The following AGPAT3 variants were observed in gnomAD, a reference collection of about 807,000 sequenced individuals.
The protein encoded by AGPAT3 is 1-acylglycerol-3-phosphate O-acyltransferase 3, also known as 1-acyl-sn-glycerol-3-phosphate acyltransferase gamma.
In AGPAT3, 5 loss-of-function variants were observed where a neutral mutation model predicts 47.3. The ratio of observed to expected loss-of-function variants is 0.11; its 90% CI spans 0.06 to 0.22. The LOEUF (loss-of-function observed/expected upper bound fraction) is 0.22, where lower values mean the gene tolerates loss of function less well. AGPAT3 is among the 10% of genes least tolerant of loss of function. The probability of loss-of-function intolerance (pLI) is 1.00; values close to 1 mark genes in which losing one functional copy is unlikely to be tolerated. For synonymous variants in AGPAT3, 212 were observed against 208.3 expected (o/e 1.02, Z -0.15); for missense variants, 315 against 493.0 (o/e 0.64, Z 3.42).
intron 1 of AGPAT3, among the ~76,000 whole-genome samples, chr21:43,885,141 C>T (rs1234342405): frequency 6.6e-6 from 1 of 152,224 alleles, no homozygotes; most frequent in Non-Finnish European, 1.5e-5. Context: ...TGCGGCTAGA[C>T]CTCAAATGGC....
At chr21:43,949,627 C>G (rs554412924) in intron 2 of AGPAT3, among the ~76,000 whole-genome samples, 2 of 152,164 alleles carry the variant, frequency 1.3e-5, no homozygotes, top group Non-Finnish European at 2.9e-5. Context: ...AGGAGCTGCA[C>G]GTTACTAAGG....
rs144040292 is a variant in AGPAT3, at chr21:43,939,019, C to T, written c.-48-20615C>T. On this transcript the variant is annotated intron_variant, in intron 2 of 9. Transcript: ENST00000291572. The surrounding 1 kb of genome is among the most constrained non-coding windows in gnomAD (Gnocchi z 4.4). The stretch of plus-strand genomic sequence containing the variant: ...GGACTGAGCTGAGCGGTTCCCACCT[C>T]TCAGTCCACAGTTTCCCACAGAGCA... Among the ~76,000 whole-genome samples, 64 of 152,322 alleles carry T rather than the reference C, an allele frequency of 4.2e-4. No individual in the cohort carries two copies. The highest frequency in any genetic ancestry group is 1.5e-3 in the African/African-American group (62 of 41,564).
chr21:43,939,103 G>A lies in AGPAT3; in HGVS notation c.-48-20531G>A, dbSNP rs2087555149. On this transcript the variant is annotated intron_variant, in intron 2 of 9. Transcript: ENST00000291572. This position sits in a 1 kb window ranked among gnomAD's most constrained non-coding sequence, Gnocchi z 4.4. ...CGACCAGGCTAGGGGAGCATCCTGGGCAAACCCTGCTGGGGACAGGTTCGT... is the reference window on the plus strand; with the variant it reads ...CGACCAGGCTAGGGGAGCATCCTGGACAAACCCTGCTGGGGACAGGTTCGT... Among the ~76,000 whole-genome samples the A allele has an allele frequency of 6.6e-6, 1 of 152,198 alleles. No individual in the cohort carries two copies. The highest frequency in any genetic ancestry group is 2.4e-5 in the African/African-American group (1 of 41,440).
At chr21:43,973,864 T>TGGCCCCTGGGCC (rs2089496446) in intron 7 of AGPAT3, among the ~76,000 whole-genome samples, 1 of 152,220 alleles carries the variant, frequency 6.6e-6, no homozygotes, top group African/African-American at 2.4e-5. Flanking sequence ...TCCCCAGGGC[T>TGGCCCCTGGGCC]GGCCCCTGGG....
chr21:43,944,873 G>A (rs993553171), intron 2 of AGPAT3, among the ~76,000 whole-genome samples: 9 of 152,250 alleles, frequency 5.9e-5, no homozygotes, highest in Admixed American at 5.2e-4. Context: ...CAGCAAGTGC[G>A]GGAGGTGTCC....
At chr21:43,935,199 G>C (rs2087398481) in intron 2 of AGPAT3, among the ~76,000 whole-genome samples, 1 of 152,278 alleles carries the variant, frequency 6.6e-6, no homozygotes, top group Admixed American at 6.5e-5. Flanking sequence ...ACGCTTTGCT[G>C]TGCGGGCATC....
At position 43,985,944 on chromosome 21, in the gene AGPAT3, G is replaced by C. The variant is rs1236122352; in HGVS notation, c.*3552G>C. The C allele has an allele frequency of 6.6e-6, 1 of 152,650 alleles. No individual in the cohort carries two copies. The highest frequency in any genetic ancestry group is 1.9e-4 in the East Asian group (1 of 5,182). 9.5% of individuals were successfully genotyped at this position (152,650 alleles called of 1,614,324 possible). The stretch of plus-strand genomic sequence containing the variant: ...TTCTGGAAACAGCACGTCCCCGGCC[G>C]TGTGCCTGCCCCTTTCTCTACTGAG... On this transcript the variant is annotated 3_prime_UTR_variant, in exon 10 of 10. Transcript: ENST00000291572.
In AGPAT3 at chr21:43,955,583, C is replaced by T. The variant is rs868073843; in HGVS notation, c.-48-4051C>T. On this transcript the variant is annotated intron_variant, in intron 2 of 9. Coordinates refer to ENST00000291572, the MANE Select transcript of AGPAT3 (RefSeq NM_020132.5). This position sits in a 1 kb window ranked among gnomAD's most constrained non-coding sequence, Gnocchi z 4.1. ...TGCTCAGATTACAGGTGTGAGCCACCGCGCCCGGCTGAGAATCTGATTTTT... is the reference window on the plus strand; with the variant it reads ...TGCTCAGATTACAGGTGTGAGCCACTGCGCCCGGCTGAGAATCTGATTTTT... Among the ~76,000 whole-genome samples, 3 of 151,882 alleles carry T rather than the reference C, an allele frequency of 2.0e-5. No individual in the cohort carries two copies. Among genetic ancestry groups the T allele is most frequent in the African/African-American group, 4.8e-5 (2 of 41,386 alleles).
At chr21:43,865,681 G>T (rs902359129) in intron 1 of AGPAT3, among the ~76,000 whole-genome samples, 1 of 150,864 alleles carries the variant, frequency 6.6e-6, no homozygotes, top group Non-Finnish European at 1.5e-5. Context: ...GGTTCGGGGC[G>T]CCCGGGAGGG....
Position 43,952,516 on chromosome 21 carries a change from G to A in AGPAT3, c.-48-7118G>A, listed in dbSNP as rs907315684. 6.6e-6 allele frequency among the ~76,000 whole-genome samples: 1 copy of A among 152,168 alleles called. No individual in the cohort carries two copies. Among genetic ancestry groups the A allele is most frequent in the Admixed American group, 6.5e-5 (1 of 15,288 alleles). ...CCTGCCCAGGCAGAGGCAGCCTCGT[G>A]CCTCACCTTTGCTCCCCTGATCTAA... On this transcript the variant is annotated intron_variant, in intron 2 of 9. Coordinates refer to ENST00000291572, the MANE Select transcript of AGPAT3 (RefSeq NM_020132.5). The surrounding 1 kb of genome is among the most constrained non-coding windows in gnomAD (Gnocchi z 5.6).
Position 43,933,544 on chromosome 21 carries a change from G to A in AGPAT3, c.-48-26090G>A, listed in dbSNP as rs190238167. Among the ~76,000 whole-genome samples, 5 of 152,064 alleles carry A rather than the reference G, an allele frequency of 3.3e-5. No homozygotes were observed. The highest frequency in any genetic ancestry group is 7.3e-5 in the African/African-American group (3 of 41,378). The stretch of plus-strand genomic sequence containing the variant: ...CCATGCCCAGCATTGTTCTCAGTGC[G>A]CCCCGGGGGTCTTTGGTTCTCCATA... On this transcript the variant is annotated intron_variant, in intron 2 of 9. Coordinates refer to ENST00000291572, the MANE Select transcript of AGPAT3 (RefSeq NM_020132.5). This position sits in a 1 kb window ranked among gnomAD's most constrained non-coding sequence, Gnocchi z 6.0.
In AGPAT3 at chr21:43,984,886, CTG is replaced by C; in HGVS notation, c.*2496_*2497del. The stretch of plus-strand genomic sequence containing the variant: ...GCTGAGTGCTCAGGCTGAAGCAACT[CTG>C]TAGCCCACAGTCCGTGCTGGCCACT... On this transcript the variant is annotated 3_prime_UTR_variant, in exon 10 of 10. Transcript: ENST00000291572. 3 of 346,644 alleles carry C rather than the reference CTG, an allele frequency of 8.7e-6. No homozygotes were observed. The highest frequency in any genetic ancestry group is 1.7e-5 in the Non-Finnish European group (3 of 173,578). The allele number at this position is 346,644 out of a possible 1,614,324, so 21.5% of individuals were successfully genotyped here.
chr21:43,948,088 T>C (rs971334790), intron 2 of AGPAT3: 2 of 152,248 alleles, frequency 1.3e-5, no homozygotes, highest in Non-Finnish European at 2.9e-5. Context: ...AGCTGTGTTT[T>C]TGGCCAAAGG....
chr21:43,970,103 G>A lies in AGPAT3; in HGVS notation c.511-550G>A, dbSNP rs573181939. ...AGCTCACTGCAACCTCTGCCTCCCG[G>A]GTTCCAGCAGTTCTCCTCTCTCAGC... On this transcript the variant is annotated intron_variant, in intron 5 of 9. Coordinates refer to ENST00000291572, the MANE Select transcript of AGPAT3 (RefSeq NM_020132.5). The surrounding 1 kb of genome is among the most constrained non-coding windows in gnomAD (Gnocchi z 5.8). 5.5e-4 allele frequency among the ~76,000 whole-genome samples: 83 copies of A among 151,812 alleles called. No individual in the cohort carries two copies. The highest frequency in any genetic ancestry group is 3.4e-3 in the Middle Eastern group (1 of 292).
intron 7 of AGPAT3, among the ~76,000 whole-genome samples, chr21:43,977,604 G>T (rs760080306): frequency 1.3e-5 from 2 of 152,228 alleles, no homozygotes; most frequent in Admixed American, 1.3e-4. Flanking sequence ...GAGGCTGGGC[G>T]CAGTGGCTCA....
intron 2 of AGPAT3, among the ~76,000 whole-genome samples, chr21:43,919,348 G>A (rs983507290): frequency 4.6e-5 from 7 of 152,096 alleles, no homozygotes; most frequent in African/African-American, 1.2e-4. Context: ...ATCACTCTAT[G>A]TTTTTGCGTT....
chr21:43,880,613 G>A lies in AGPAT3; in HGVS notation c.-112+15268G>A, dbSNP rs1330947953. Among the ~76,000 whole-genome samples the A allele has an allele frequency of 1.3e-5, 2 of 152,232 alleles. No individual in the cohort carries two copies. Among genetic ancestry groups the A allele is most frequent in the Non-Finnish European group, 2.9e-5 (2 of 68,044 alleles). The stretch of plus-strand genomic sequence containing the variant: ...TGTGGGATGGGTCACAGCTATGTCT[G>A]TGGCCTTTTGCAAATCAACTTCAAA... On this transcript the variant is annotated intron_variant, in intron 1 of 9. Coordinates refer to ENST00000291572, the MANE Select transcript of AGPAT3 (RefSeq NM_020132.5). This position sits in a 1 kb window ranked among gnomAD's most constrained non-coding sequence, Gnocchi z 4.5.
chr21:43,932,231 G>A lies in AGPAT3; in HGVS notation c.-48-27403G>A, dbSNP rs2087274013. 6.6e-6 allele frequency among the ~76,000 whole-genome samples: 1 copy of A among 152,102 alleles called. No individual in the cohort carries two copies. Among genetic ancestry groups the A allele is most frequent in the African/African-American group, 2.4e-5 (1 of 41,404 alleles). ...ACGTCCCTCCAGTCTAACTGAAACT[G>A]CTCCCTTTGATCAGCACCTCCCCTG... is the stretch of plus-strand genomic sequence containing the variant. On this transcript the variant is annotated intron_variant, in intron 2 of 9. Transcript: ENST00000291572. This position sits in a 1 kb window ranked among gnomAD's most constrained non-coding sequence, Gnocchi z 5.2.
At chr21:43,882,082 AAGCC>A (rs2085865754) in intron 1 of AGPAT3, among the ~76,000 whole-genome samples, 1 of 152,372 alleles carries the variant, frequency 6.6e-6, no homozygotes, top group Non-Finnish European at 1.5e-5. Context: ...TCCAGGGTCT[AAGCC>A]ACTGCAGGGG....
Sources: gnomAD v4.1 joint callset for allele counts (sites outside exome capture counted in the v4.1 genomes callset) on GRCh38, gnomAD v4.1.1 for gene constraint, Gnocchi (gnomAD v3.1) non-coding constraint, MANE v1.5 for transcripts, NCBI Gene and HGNC (gene_info 2026-07-23, HGNC 2026-07-21) for gene names.